The following SFXN5 variants were observed in gnomAD, a reference collection of about 807,000 sequenced individuals.
SFXN5 encodes sideroflexin-5.
In SFXN5, 43 loss-of-function variants were observed where a neutral mutation model predicts 50.2. The ratio of observed to expected loss-of-function variants is 0.86; its 90% CI spans 0.67 to 1.11. SFXN5 has a LOEUF of 1.11. Ranked by LOEUF, SFXN5 falls within the 50% of genes least tolerant of loss-of-function variation. SFXN5 has a pLI of 0.00. For missense variants in SFXN5, 463 were observed against 454.1 expected, an observed-to-expected ratio of 1.02 and a Z score of -0.18; for synonymous variants, 203 against 185.8, an observed-to-expected ratio of 1.09 and a Z score of -0.75.
At chr2:72,965,540 C>T (rs543922997) in intron 12 of SFXN5, among the ~76,000 whole-genome samples, 3 of 152,296 alleles carry the variant, frequency 2.0e-5, no homozygotes, top group South Asian at 2.1e-4. Context: ...CTGTAACATA[C>T]ACCCACTGGG....
chr2:73,069,207 T>C (rs1683396479), intron 1 of SFXN5, among the ~76,000 whole-genome samples: 1 of 152,134 alleles, frequency 6.6e-6, no homozygotes, highest in Non-Finnish European at 1.5e-5. Context: ...GTTGGGACTC[T>C]GACTTGCAGA....
intron 2 of SFXN5, chr2:73,044,470 C>T (rs1680055248): frequency 6.6e-6 from 1 of 152,498 alleles, no homozygotes; most frequent in Non-Finnish European, 1.5e-5. Context: ...GGCTGGTGTC[C>T]CCACTTCAGA....
At chr2:73,036,302 G>A (rs1376428406) in intron 3 of SFXN5, among the ~76,000 whole-genome samples, 5 of 151,116 alleles carry the variant, frequency 3.3e-5, no homozygotes, top group Non-Finnish European at 7.4e-5. Flanking sequence ...CTGAAGCCCA[G>A]GGAGGGAAGC....
At chr2:73,028,792 G>A (rs1677922519) in intron 3 of SFXN5, among the ~76,000 whole-genome samples, 2 of 152,300 alleles carry the variant, frequency 1.3e-5, no homozygotes, top group South Asian at 4.1e-4. Context: ...AGGAGACAAT[G>A]CAGGAACTAA....
intron 5 of SFXN5, among the ~76,000 whole-genome samples, chr2:73,021,161 A>T (rs1302543784): frequency 6.6e-6 from 1 of 152,154 alleles, no homozygotes; most frequent in East Asian, 1.9e-4. Context: ...TCAGGGTGAG[A>T]GCCTGCTGTG....
At chr2:73,002,868 T>C (rs1674091657) in intron 6 of SFXN5, among the ~76,000 whole-genome samples, 1 of 152,232 alleles carries the variant, frequency 6.6e-6, no homozygotes, top group Non-Finnish European at 1.5e-5. Flanking sequence ...ACCTGGGTCT[T>C]AGATTCAGCT....
chr2:73,043,851 T>G (rs1001072569), intron 2 of SFXN5, among the ~76,000 whole-genome samples: 3 of 152,182 alleles, frequency 2.0e-5, no homozygotes, highest in African/African-American at 7.2e-5. Context: ...CTAGACATAA[T>G]ACGCTTATCT....
chr2:73,054,138 A>C (rs1274528683), intron 2 of SFXN5, among the ~76,000 whole-genome samples: 1 of 152,154 alleles, frequency 6.6e-6, no homozygotes, highest in East Asian at 1.9e-4. Flanking sequence ...GAGTTTGTGG[A>C]GCCTAGAAGA....
chr2:73,059,259 C>A, intron 1 of SFXN5: 1 of 985,702 alleles, frequency 1.0e-6, no homozygotes, highest in Non-Finnish European at 1.2e-6. Context: ...AGCAACCCGG[C>A]TGCTGGGCCT....
In SFXN5 at chr2:72,954,699, A is replaced by G. The variant is rs536226179; in HGVS notation, c.945+6432T>C. 2.0e-5 allele frequency among the ~76,000 whole-genome samples: 3 copies of G among 152,282 alleles called. No homozygotes were observed. The East Asian group carries it at 5.8e-4, about 29-fold the overall frequency. ...GAGCCAGTGAGGGTCTAGGGGCCAT[A>G]AGACACGTTCCCAGGAAGGCTAAGG... On this transcript the variant is annotated intron_variant, in intron 13 of 13. Coordinates refer to ENST00000272433, the MANE Select transcript of SFXN5 (RefSeq NM_144579.3).
chr2:72,990,540 G>T (rs1271159412), intron 9 of SFXN5, among the ~76,000 whole-genome samples: 2 of 152,226 alleles, frequency 1.3e-5, no homozygotes, highest in African/African-American at 2.4e-5. Context: ...GGAGAACTCA[G>T]TGAGCACTTC....
intron 2 of SFXN5, among the ~76,000 whole-genome samples, chr2:73,052,233 A>G (rs944795682): frequency 2.6e-5 from 4 of 152,158 alleles, no homozygotes; most frequent in African/African-American, 7.2e-5. Context: ...AGCAGTATTT[A>G]GAAACCAAGA....
intron 10 of SFXN5, among the ~76,000 whole-genome samples, chr2:72,982,271 A>G (rs1671400884): frequency 6.6e-6 from 1 of 152,220 alleles, no homozygotes; most frequent in African/African-American, 2.4e-5. Context: ...GGGTGGGCCC[A>G]TTGGTCATCC....
At chr2:72,948,934 T>C (rs1672236402) in intron 13 of SFXN5, among the ~76,000 whole-genome samples, 1 of 151,822 alleles carries the variant, frequency 6.6e-6, no homozygotes, top group Admixed American at 6.6e-5. Context: ...AAGCTTAAAG[T>C]CTAGAGAGGA....
At position 72,966,443 on chromosome 2, in the gene SFXN5, C is replaced by T. The variant is rs76908769; in HGVS notation, c.827+2005G>A. 1.4e-3 allele frequency among the ~76,000 whole-genome samples: 208 copies of T among 152,264 alleles called. 1 individual carries two copies. Among genetic ancestry groups the T allele is most frequent in the East Asian group, 5.4e-3 (28 of 5,178 alleles). Reference sequence around the variant, plus strand: ...ACAACCTCAGTTCACGAAGGGGCTACGTATACGAGAGTCAGGGGCACAAAA... The same window carrying T: ...ACAACCTCAGTTCACGAAGGGGCTATGTATACGAGAGTCAGGGGCACAAAA... On this transcript the variant is annotated intron_variant, in intron 12 of 13. Transcript: ENST00000272433.
chr2:73,032,358 G>A (rs571046103), intron 3 of SFXN5, among the ~76,000 whole-genome samples: 1 of 152,336 alleles, frequency 6.6e-6, no homozygotes, highest in Admixed American at 6.5e-5. Context: ...GGGACTTACT[G>A]GCTCCAACAA....
chr2:72,998,824 C>T, intron 9 of SFXN5, 125 bp downstream of exon 9: 2 of 1,035,658 alleles, frequency 1.9e-6, no homozygotes, highest in Non-Finnish European at 2.9e-6. Context: ...GACTCCTCCA[C>T]CCACAGAAAC....
intron 9 of SFXN5, among the ~76,000 whole-genome samples, chr2:72,991,680 C>T (rs1672621411): frequency 6.6e-6 from 1 of 152,226 alleles, no homozygotes; most frequent in African/African-American, 2.4e-5. Context: ...CCTCAGGGCC[C>T]TTTGGCCTTG....
chr2:72,964,693 G>A (rs1424871780), intron 12 of SFXN5, among the ~76,000 whole-genome samples: 3 of 152,242 alleles, frequency 2.0e-5, no homozygotes, highest in Non-Finnish European at 4.4e-5. Flanking sequence ...TCATCTTCCT[G>A]GGGGAACCCG....
Sources: allele counts gnomAD v4.1 joint callset (sites outside exome capture counted in the v4.1 genomes callset), GRCh38; gene constraint gnomAD v4.1.1; transcripts MANE v1.5; gene names NCBI Gene and HGNC (gene_info 2026-07-23, HGNC 2026-07-21).